Variants in EPHB2 observed in about 807,000 individuals in gnomAD.
EPHB2 encodes EPH receptor B2, also known as ephrin type-B receptor 2.
In EPHB2, 18 loss-of-function variants were observed where a neutral mutation model predicts 96.4. The ratio of observed to expected loss-of-function variants is 0.19; its 90% confidence interval spans 0.13 to 0.28. The LOEUF is 0.28. Among genes scored for constraint, EPHB2 ranks in the 10% least tolerant of loss-of-function variants. The probability of loss-of-function intolerance (pLI) is 1.00; values close to 1 mark genes in which losing one functional copy is unlikely to be tolerated. For synonymous variants in EPHB2, 506 were observed against 534.1 expected, an observed-to-expected ratio of 0.95 and a Z score of 0.72; for missense variants, 989 against 1,355.4, an observed-to-expected ratio of 0.73 and a Z score of 4.25.
At chr1:22,825,096 A>C (rs1167805956) in intron 3 of EPHB2, among the ~76,000 whole-genome samples, 3 of 152,252 alleles carry the variant, frequency 2.0e-5, no homozygotes, top group Non-Finnish European at 4.4e-5. Flanking sequence ...AGACCCCGTA[A>C]ACTGACCATA....
intron 9 of EPHB2, among the ~76,000 whole-genome samples, chr1:22,897,134 T>TCCTA (rs1253299352): frequency 6.6e-6 from 1 of 152,016 alleles, no homozygotes; most frequent in Non-Finnish European, 1.5e-5. Context: ...CACCGTCCCA[T>TCCTA]CCTATATCAG....
In EPHB2 at chr1:22,747,805, G is replaced by A. The variant is rs78716050; in HGVS notation, c.62-33616G>A. Reference sequence around the variant, plus strand: ...ACCCATCGTGCTGTAGAGCGGAGCCGGTCTGCCTGGGGAAAAGGACAATGA... The same window carrying A: ...ACCCATCGTGCTGTAGAGCGGAGCCAGTCTGCCTGGGGAAAAGGACAATGA... On this transcript the variant is annotated intron_variant, in intron 1 of 15. Coordinates refer to ENST00000374630, the MANE Select transcript of EPHB2 (RefSeq NM_017449.5). 6.4e-3 allele frequency among the ~76,000 whole-genome samples: 969 copies of A among 152,324 alleles called. 9 individuals carry two copies. Among genetic ancestry groups the A allele is most frequent in the East Asian group, 0.043 (221 of 5,174 alleles).
At chr1:22,864,700 C>A (rs1303565554) in intron 4 of EPHB2, among the ~76,000 whole-genome samples, 177 bp from the exon 5 acceptor site, 1 of 152,176 alleles carries the variant, frequency 6.6e-6, no homozygotes, top group African/African-American at 2.4e-5. Flanking sequence ...AAGGTTTGGG[C>A]AGATGTACAG....
chr1:22,877,529 C>T (rs528617143), intron 5 of EPHB2, among the ~76,000 whole-genome samples: 1 of 152,150 alleles, frequency 6.6e-6, no homozygotes, highest in Non-Finnish European at 1.5e-5. Context: ...GTTTGGCCCC[C>T]ACCTTCCTCG....
chr1:22,772,708 T>G lies in EPHB2; in HGVS notation c.62-8713T>G, dbSNP rs534271683. Among the ~76,000 whole-genome samples, 10 of 152,350 alleles carry G rather than the reference T, an allele frequency of 6.6e-5. No homozygotes were observed. The South Asian group carries it at 1.9e-3, about 28-fold the overall frequency. ...GCCTGGGTTCAAATCTCAGCTTGGC[T>G]TCTTTCTGGCTATAGGACTTGGGGC... On this transcript the variant is annotated intron_variant, in intron 1 of 15. Transcript: ENST00000374630.
intron 1 of EPHB2, among the ~76,000 whole-genome samples, chr1:22,720,133 C>T (rs1406411051): frequency 6.6e-6 from 1 of 152,154 alleles, no homozygotes; most frequent in African/African-American, 2.4e-5. Context: ...CTATCCATGG[C>T]AATTAGCTCC....
intron 8 of EPHB2, 63 bp downstream of exon 8, chr1:22,895,643 C>G: frequency 7.0e-7 from 1 of 1,425,034 alleles, no homozygotes; most frequent in Non-Finnish European, 9.9e-7. Flanking sequence ...TCTCTCTATT[C>G]AGTCATCCCT....
At chr1:22,775,508 TAGGG>T (rs1644438074) in intron 1 of EPHB2, among the ~76,000 whole-genome samples, 1 of 152,192 alleles carries the variant, frequency 6.6e-6, no homozygotes, top group African/African-American at 2.4e-5. Flanking sequence ...GATCGGAGAA[TAGGG>T]AGCAACCACC....
At chr1:22,717,309 C>A (rs138321099) in intron 1 of EPHB2, among the ~76,000 whole-genome samples, 4 of 152,104 alleles carry the variant, frequency 2.6e-5, no homozygotes, top group African/African-American at 9.7e-5. Flanking sequence ...CAGCTCAGGC[C>A]TTCTGATAAG....
intron 1 of EPHB2, chr1:22,775,382 G>A (rs1014681847): frequency 5.8e-6 from 4 of 687,562 alleles, no homozygotes; most frequent in Admixed American, 4.5e-5. Context: ...CTTAATGAAA[G>A]TTTCTTCTTC....
chr1:22,750,086 G>C (rs1644039742), intron 1 of EPHB2, among the ~76,000 whole-genome samples: 1 of 152,190 alleles, frequency 6.6e-6, no homozygotes, highest in South Asian at 2.1e-4. Context: ...CTTGGCAGAT[G>C]AGGAAACAGA....
chr1:22,912,691 G>C (rs1640148468), intron 15 of EPHB2, 92 bp downstream of exon 15: 2 of 1,582,806 alleles, frequency 1.3e-6, no homozygotes, highest in African/African-American at 2.7e-5. Flanking sequence ...GTGAGGAATA[G>C]ATCATGTCCC....
At position 22,915,071 on chromosome 1, in the gene EPHB2, G is replaced by A. The variant is rs1640231416; in HGVS notation, c.*1501G>A. The A allele has an allele frequency of 1.3e-5, 2 of 152,590 alleles. No homozygotes were observed. The highest frequency in any genetic ancestry group is 1.3e-4 in the Admixed American group (2 of 15,272). 9.5% of individuals were successfully genotyped at this position (152,590 alleles called of 1,614,324 possible). The stretch of plus-strand genomic sequence containing the variant: ...GAGGCCAGGACCCGGATCATTCACT[G>A]TGATACCCTGCCCTCCAGAGGGTGC... On this transcript the variant is annotated 3_prime_UTR_variant, in exon 16 of 16. Coordinates refer to ENST00000374630, the MANE Select transcript of EPHB2 (RefSeq NM_017449.5).
chr1:22,720,019 C>T (rs1370917308), intron 1 of EPHB2, among the ~76,000 whole-genome samples: 3 of 152,204 alleles, frequency 2.0e-5, no homozygotes, highest in Non-Finnish European at 2.9e-5. Flanking sequence ...GAAATTCCAT[C>T]GTGGCTTCAC....
At chr1:22,742,294 C>T (rs1643913834) in intron 1 of EPHB2, among the ~76,000 whole-genome samples, 1 of 152,120 alleles carries the variant, frequency 6.6e-6, no homozygotes, top group Admixed American at 6.5e-5. Context: ...ATAGAGAGCC[C>T]TGTCTTCTGC....
intron 3 of EPHB2, among the ~76,000 whole-genome samples, chr1:22,798,813 A>G (rs1014794567): frequency 6.6e-6 from 1 of 152,096 alleles, no homozygotes; most frequent in South Asian, 2.1e-4. Context: ...AGAGGCTCCG[A>G]GGAGTCAAAG....
At chr1:22,829,399 C>T (rs919675048) in intron 3 of EPHB2, among the ~76,000 whole-genome samples, 1 of 152,246 alleles carries the variant, frequency 6.6e-6, no homozygotes, top group Non-Finnish European at 1.5e-5. Context: ...GGCAGGATGC[C>T]TGCAGCCTGA....
At position 22,915,598 on chromosome 1, in the gene EPHB2, A is replaced by G. The variant is rs1301122992; in HGVS notation, c.*2028A>G. The stretch of plus-strand genomic sequence containing the variant: ...AATCAGGGTGAGCCCCTGCAGGTAC[A>G]TAAGTAGCAGAGAATTGACGAGAGT... On this transcript the variant is annotated 3_prime_UTR_variant, in exon 16 of 16. Transcript: ENST00000374630. The G allele has an allele frequency of 1.3e-5, 2 of 152,248 alleles. No homozygotes were observed. Among genetic ancestry groups the G allele is most frequent in the East Asian group, 1.9e-4 (1 of 5,190 alleles). The allele number at this position is 152,248 out of a possible 1,614,324, so 9.4% of individuals were successfully genotyped here. A position where few individuals can be genotyped will look rare whatever the true frequency, so the allele number is the denominator to read the frequency against.
At chr1:22,851,132 C>G (rs1358765177) in intron 3 of EPHB2, among the ~76,000 whole-genome samples, 3 of 152,138 alleles carry the variant, frequency 2.0e-5, no homozygotes, top group Non-Finnish European at 2.9e-5. Flanking sequence ...GTAACTGGGA[C>G]CACAGGCTTG....
Sources: gnomAD v4.1 joint callset for allele counts (sites outside exome capture counted in the v4.1 genomes callset) on GRCh38, gnomAD v4.1.1 for gene constraint, MANE v1.5 for transcripts, NCBI Gene and HGNC (gene_info 2026-07-23, HGNC 2026-07-21) for gene names.